The following CNBD1 variants were observed in gnomAD, a reference collection of about 807,000 sequenced individuals.
CNBD1 encodes cyclic nucleotide-binding domain-containing protein 1.
A neutral mutation model predicts 54.4 loss-of-function variants in CNBD1; 71 were observed. The observed-to-expected ratio is 1.30, with a 90% confidence interval of 1.08 to 1.59. The LOEUF is 1.59. Among genes scored for constraint, CNBD1 ranks in the 40% most tolerant of loss-of-function variants. The pLI, the probability that CNBD1 is intolerant of heterozygous loss-of-function variation, is 0.00. For synonymous variants in CNBD1, 182 were observed against 170.7 expected, an observed-to-expected ratio of 1.07 and a Z score of -0.51; for missense variants, 659 against 518.0, an observed-to-expected ratio of 1.27 and a Z score of -2.64.
At chr8:87,419,463 G>A (rs1282897026) in intron 2 of CNBD1, among the ~76,000 whole-genome samples, 1 of 151,796 alleles carries the variant, frequency 6.6e-6, no homozygotes, top group East Asian at 1.9e-4. Flanking sequence ...CTTAATAAAA[G>A]ACAATAAGAA....
intron 3 of CNBD1, among the ~76,000 whole-genome samples, chr8:86,927,663 C>T (rs1443728821): frequency 6.6e-6 from 1 of 151,998 alleles, no homozygotes; most frequent in Non-Finnish European, 1.5e-5. Flanking sequence ...AGTATATAGT[C>T]CTACTGCAAA....
chr8:87,325,834 G>T (rs1478846022), intron 8 of CNBD1, among the ~76,000 whole-genome samples: 1 of 147,746 alleles, frequency 6.8e-6, no homozygotes, highest in East Asian at 2.0e-4. Context: ...GTGTGAATCT[G>T]ATCCTGTCAT....
At chr8:87,416,051 A>C (rs1435616947) in intron 2 of CNBD1, among the ~76,000 whole-genome samples, 2 of 151,894 alleles carry the variant, frequency 1.3e-5, no homozygotes, top group East Asian at 3.9e-4. Flanking sequence ...AAGCTTTACT[A>C]TAAATAAGTT....
chr8:86,910,941 T>C (rs1431842597), intron 3 of CNBD1, among the ~76,000 whole-genome samples: 1 of 152,152 alleles, frequency 6.6e-6, no homozygotes, highest in Non-Finnish European at 1.5e-5. Flanking sequence ...CACAAAAAAT[T>C]GGTCGGATCA....
intron 4 of CNBD1, among the ~76,000 whole-genome samples, chr8:87,058,258 T>C (rs1472609995): frequency 6.6e-6 from 1 of 152,212 alleles, no homozygotes; most frequent in African/African-American, 2.4e-5. Context: ...TTGCTTTGCG[T>C]ACAATCCTCA....
intron 4 of CNBD1, among the ~76,000 whole-genome samples, chr8:87,099,099 T>G (rs934361967): frequency 6.8e-6 from 1 of 146,986 alleles, no homozygotes; most frequent in African/African-American, 2.5e-5. Context: ...TATATGCCAC[T>G]GTGAAAAGAC....
rs758083191 is a variant in CNBD1, at chr8:87,334,719, C to CTTTTTTTTTTTTTTTTTTTTTT, written c.1043-16962_1043-16961insTTTTTTTTTTTTTTTTTTTTTT. ...TCTTTTTTCTTTTCTTTTCTTTTTT[C>CTTTTTTTTTTTTTTTTTTTTTT]TTTTCTTTTTTTTTTTTTAAGATGG... On this transcript the variant is annotated intron_variant, in intron 8 of 10. Transcript: ENST00000518476. 1.6e-5 allele frequency among the ~76,000 whole-genome samples: 2 copies of CTTTTTTTTTTTTTTTTTTTTTT among 126,158 alleles called. 1 individual carries two copies. The highest frequency in any genetic ancestry group is 6.3e-5 in the African/African-American group (2 of 31,834). 82.8% of individuals were successfully genotyped at this position (126,158 alleles called of 152,430 possible).
At chr8:87,376,791 C>G (rs1045787990) in intron 10 of CNBD1, among the ~76,000 whole-genome samples, 6 of 151,816 alleles carry the variant, frequency 4.0e-5, no homozygotes, top group Non-Finnish European at 8.8e-5. Context: ...TGCACAAATA[C>G]ATAGAAATTT....
chr8:87,397,502 C>G (rs1811430266), intron 2 of CNBD1, among the ~76,000 whole-genome samples: 1 of 151,916 alleles, frequency 6.6e-6, no homozygotes, highest in Non-Finnish European at 1.5e-5. Context: ...AAATTTACCT[C>G]TACTAATGGC....
At chr8:86,913,724 G>A (rs994011906) in intron 3 of CNBD1, among the ~76,000 whole-genome samples, 25 of 152,084 alleles carry the variant, frequency 1.6e-4, no homozygotes, top group Non-Finnish European at 2.2e-4. Context: ...GACTTGTCCC[G>A]CTGTGCACGC....
At chr8:87,128,294 G>A (rs983014462) in intron 4 of CNBD1, among the ~76,000 whole-genome samples, 48 of 152,316 alleles carry the variant, frequency 3.2e-4, no homozygotes, top group African/African-American at 1.1e-3. Context: ...TGTAAGACAG[G>A]CCCACTTGGG....
intron 6 of CNBD1, among the ~76,000 whole-genome samples, chr8:87,258,578 T>C (rs1471623027): frequency 6.6e-6 from 1 of 152,026 alleles, no homozygotes; most frequent in African/African-American, 2.4e-5. Context: ...TGAACCACCA[T>C]GCCAGGCCAA....
At chr8:87,273,024 T>A (rs1175652711) in intron 6 of CNBD1, among the ~76,000 whole-genome samples, 2 of 151,856 alleles carry the variant, frequency 1.3e-5, no homozygotes, top group Non-Finnish European at 2.9e-5. Context: ...TATGCTGAAA[T>A]AATTATTTCC....
At chr8:87,192,221 A>G (rs1340359325) in intron 4 of CNBD1, among the ~76,000 whole-genome samples, 3 of 152,100 alleles carry the variant, frequency 2.0e-5, no homozygotes, top group Non-Finnish European at 4.4e-5. Context: ...ATGATGTTTT[A>G]AAATTATCCA....
chr8:87,194,093 A>C (rs1443466608), intron 4 of CNBD1, among the ~76,000 whole-genome samples: 1 of 152,152 alleles, frequency 6.6e-6, no homozygotes, highest in Non-Finnish European at 1.5e-5. Flanking sequence ...AACTGCTTAC[A>C]TAAGGGATCT....
chr8:87,101,819 A>G (rs1811433257), intron 4 of CNBD1, among the ~76,000 whole-genome samples: 1 of 152,130 alleles, frequency 6.6e-6, no homozygotes, highest in South Asian at 2.1e-4. Flanking sequence ...AAGAAGTATA[A>G]GGCAGTGCTT....
At chr8:87,064,623 G>A (rs1359918813) in intron 4 of CNBD1, among the ~76,000 whole-genome samples, 1 of 151,642 alleles carries the variant, frequency 6.6e-6, no homozygotes, top group East Asian at 1.9e-4. Context: ...TTTGTCTGAA[G>A]GAGCACCTTT....
At chr8:87,022,402 A>G (rs942505995) in intron 4 of CNBD1, among the ~76,000 whole-genome samples, 4 of 152,208 alleles carry the variant, frequency 2.6e-5, no homozygotes, top group African/African-American at 9.6e-5. Flanking sequence ...AGGACTCCAC[A>G]TGAAATATTT....
chr8:87,245,865 T>A (rs1807792900), intron 6 of CNBD1, among the ~76,000 whole-genome samples: 2 of 152,172 alleles, frequency 1.3e-5, no homozygotes, highest in South Asian at 4.1e-4. Flanking sequence ...TATGGATATA[T>A]TGTTTTTTTC....
Sources: allele counts gnomAD v4.1 joint callset (sites outside exome capture counted in the v4.1 genomes callset), GRCh38; gene constraint gnomAD v4.1.1; transcripts MANE v1.5; gene names NCBI Gene and HGNC (gene_info 2026-07-23, HGNC 2026-07-21).